The following INCENP variants were observed in gnomAD, a reference collection of about 807,000 sequenced individuals.
INCENP encodes the protein binds and activates aurora-B and -C in vivo and in vitro.
In INCENP, 43 loss-of-function variants were observed where a neutral mutation model predicts 107.3. The ratio of observed to expected loss-of-function variants is 0.40; its 90% confidence interval spans 0.31 to 0.52. The LOEUF is 0.52. Among genes scored for constraint, INCENP ranks in the 20% least tolerant of loss-of-function variants. The pLI, the probability that INCENP is intolerant of heterozygous loss-of-function variation, is 0.53. For missense variants in INCENP, 1,089 were observed against 1,250.9 expected, an observed-to-expected ratio of 0.87 and a Z score of 1.95; for synonymous variants, 488 against 494.4, an observed-to-expected ratio of 0.99 and a Z score of 0.17.
At chr11:62,150,312 G>A (rs762841314) in intron 18 of INCENP, 105 bp downstream of exon 18, 158 of 1,216,902 alleles carry the variant, frequency 1.3e-4, no homozygotes, top group Admixed American at 7.7e-4. Flanking sequence ...GGAGGCTGCC[G>A]TGTGCTTCAG....
chr11:62,141,490 T>G lies in INCENP; in HGVS notation c.1594-10T>G. 6 of 1,613,988 alleles carry G rather than the reference T, an allele frequency of 3.7e-6. No homozygotes were observed. In the South Asian group the frequency reaches 5.5e-5, roughly 15 times the overall value. ...ATTAACTCTTGCCTTTTCCCTTGTC[T>G]CCTCCACAGTGCAGCTTCGTCGTAA... On this transcript the variant is annotated splice_polypyrimidine_tract_variant and intron_variant, in intron 10 of 18. Coordinates refer to ENST00000394818, the MANE Select transcript of INCENP (RefSeq NM_001040694.2).
At chr11:62,147,053 C>T (rs1944267634) in intron 15 of INCENP, 151 bp downstream of exon 15, 3 of 1,291,112 alleles carry the variant, frequency 2.3e-6, no homozygotes, top group Admixed American at 2.2e-5. Context: ...ATACACTGCC[C>T]ATTGGCTATG....
chr11:62,136,322 T>C (rs547058610), intron 4 of INCENP, among the ~76,000 whole-genome samples: 1 of 152,296 alleles, frequency 6.6e-6, no homozygotes, highest in South Asian at 2.1e-4. Context: ...CAACAGGCAT[T>C]GTGCACACTT....
At chr11:62,131,788 T>G (rs112819547) in intron 4 of INCENP, among the ~76,000 whole-genome samples, 280 of 152,146 alleles carry the variant, frequency 1.8e-3, no homozygotes, top group African/African-American at 6.5e-3. Flanking sequence ...TTATCTTTTT[T>G]TTTTTTTGAT....
At chr11:62,138,069 C>T in intron 5 of INCENP, 186 bp downstream of exon 5, 1 of 625,740 alleles carries the variant, frequency 1.6e-6, no homozygotes, top group East Asian at 2.8e-5. Flanking sequence ...CACCTGGTCT[C>T]CTTGCAGCAC....
intron 11 of INCENP, 96 bp downstream of exon 11, chr11:62,141,607 C>G: frequency 6.8e-7 from 1 of 1,473,040 alleles, no homozygotes; most frequent in Non-Finnish European, 9.5e-7. Flanking sequence ...TGTAGATGCA[C>G]TAACATTGTA....
intron 1 of INCENP, among the ~76,000 whole-genome samples, chr11:62,126,204 T>TTTTGTG (rs1237094437): frequency 6.0e-5 from 9 of 149,470 alleles, no homozygotes; most frequent in African/African-American, 2.0e-4. Context: ...TGCATGGTTT[T>TTTTGTG]TTTTTTTTTG....
chr11:62,140,935 T>C lies in INCENP; in HGVS notation c.1484T>C (p.Phe495Ser). 6.2e-7 allele frequency: 1 copy of C among 1,614,240 alleles called. No homozygotes were observed. Among genetic ancestry groups the C allele is most frequent in the South Asian group, 1.1e-5 (1 of 91,090 alleles). Reference protein sequence around the residue: ...ASKVVRPLRTFLHTVQRNQML... With the variant: ...ASKVVRPLRTSLHTVQRNQML... ...CAGGTGGTACGGCCCCTCCGGACCTTTCTGCACACAGTGCAGAGGAACCAG... is the reference window on the plus strand; with the variant it reads ...CAGGTGGTACGGCCCCTCCGGACCTCTCTGCACACAGTGCAGAGGAACCAG... Residue 495 changes from phenylalanine to serine, a missense_variant, in exon 10 of 19, where the codon TTT (phenylalanine) becomes TCT (serine). Phe to Ser is a radical substitution (Grantham distance 155, BLOSUM62 -2). Coordinates refer to ENST00000394818, the MANE Select transcript of INCENP (RefSeq NM_001040694.2).
At chr11:62,126,200 G>GTTTTTTT (rs57052675) in intron 1 of INCENP, among the ~76,000 whole-genome samples, 2 of 99,978 alleles carry the variant, frequency 2.0e-5, no homozygotes, top group African/African-American at 3.0e-5. Context: ...GTTGTGCATG[G>GTTTTTTT]TTTTTTTTTT....
chr11:62,149,974 A>G (rs1944338063), intron 17 of INCENP, 83 bp from the exon 18 acceptor site: 1 of 1,289,958 alleles, frequency 7.8e-7, no homozygotes. Flanking sequence ...AAATAGGAGG[A>G]GGTGAGCAGT....
intron 16 of INCENP, 70 bp downstream of exon 16, chr11:62,148,624 G>T: frequency 6.6e-7 from 1 of 1,521,658 alleles, no homozygotes; most frequent in Non-Finnish European, 9.0e-7. Context: ...GACTCCTGCA[G>T]CAGGGGCTGC....
chr11:62,146,880 C>T lies in INCENP; in HGVS notation c.2182C>T (p.Gln728Ter). The T allele has an allele frequency of 6.3e-7, 1 of 1,598,944 alleles. No individual in the cohort carries two copies. The change falls in exon 15 of 19, where the codon CAG becomes TAG. Residue 728 changes from glutamine (Q) to a stop codon, truncating the protein, a stop_gained. Coordinates refer to ENST00000394818, the MANE Select transcript of INCENP (RefSeq NM_001040694.2). LOFTEE classifies it high-confidence loss of function. Reference sequence around the variant, plus strand: ...GGCAGAGCAGGAGCGTCGGCGGGAGCAGGAGCGGCTCCAGGCCGAGAGGTG... The same window carrying T: ...GGCAGAGCAGGAGCGTCGGCGGGAGTAGGAGCGGCTCCAGGCCGAGAGGTG... ...QLAEQERRREQERLQAERELQ... is the reference protein window; with the variant it reads ...QLAEQERRRE
At chr11:62,149,761 A>G (rs1944333247) in intron 17 of INCENP, among the ~76,000 whole-genome samples, 2 of 152,066 alleles carry the variant, frequency 1.3e-5, no homozygotes, top group South Asian at 4.1e-4. Context: ...TCTCTACTAA[A>G]CATACAAAAA....
rs1042658296 is a variant in INCENP at position 62,152,295 on chromosome 11, G to A, written c.*319G>A. ...TTTAGTCTTTGGCATTTTAGCGTTT[G>A]GGAGGTAGATTAATAAAGTATATTC... is the stretch of plus-strand genomic sequence containing the variant. On this transcript the variant is annotated 3_prime_UTR_variant, in exon 19 of 19. Coordinates refer to ENST00000394818, the MANE Select transcript of INCENP (RefSeq NM_001040694.2). The A allele has an allele frequency of 7.8e-6, 3 of 384,502 alleles. No homozygotes were observed. The Admixed American group carries it at 1.3e-4, about 17-fold the overall frequency. The allele number at this position is 384,502 out of a possible 1,614,324, so 23.8% of individuals were successfully genotyped here.
At chr11:62,141,706 T>TCTGCCCTCC in intron 11 of INCENP, 195 bp downstream of exon 11, 1 of 723,722 alleles carries the variant, frequency 1.4e-6, no homozygotes, top group Non-Finnish European at 2.4e-6. Flanking sequence ...AGCGTCCTTC[T>TCTGCCCTCC]CTGCCCTCCC....
chr11:62,133,460 G>A (rs1235663056), intron 4 of INCENP, among the ~76,000 whole-genome samples: 2 of 152,196 alleles, frequency 1.3e-5, no homozygotes, highest in African/African-American at 4.8e-5. Flanking sequence ...TCGGGCAGCA[G>A]TTCTGAAGTG....
At chr11:62,151,227 G>A (rs1372762246) in intron 18 of INCENP, among the ~76,000 whole-genome samples, 1 of 152,196 alleles carries the variant, frequency 6.6e-6, no homozygotes, top group African/African-American at 2.4e-5. Context: ...AGCAAGTGCT[G>A]GTGCATGTCT....
In INCENP at chr11:62,139,014, T is replaced by C. The variant is rs751274543; in HGVS notation, c.1291+9T>C. On this transcript the variant is annotated intron_variant, in intron 7 of 18. Transcript: ENST00000394818. ...CTCTGCAGGGCAGCAAGGTGAGGCT[T>C]CCTGACCTGCCGTGTGCAGTGCCCG... 71 of 1,595,538 alleles carry C rather than the reference T, an allele frequency of 4.4e-5. No homozygotes were observed. In the Middle Eastern group the frequency reaches 9.9e-4, roughly 22 times the overall value.
intron 11 of INCENP, 109 bp downstream of exon 11, chr11:62,141,620 C>G: frequency 7.1e-7 from 1 of 1,404,416 alleles, no homozygotes. Context: ...ACATTGTAAG[C>G]GGGAGGGGAG....
Sources: allele counts gnomAD v4.1 joint callset (sites outside exome capture counted in the v4.1 genomes callset), GRCh38; gene constraint gnomAD v4.1.1; transcripts MANE v1.5; gene names NCBI Gene and HGNC (gene_info 2026-07-23, HGNC 2026-07-21).